Variants in PLXDC2 observed in about 807,000 individuals in gnomAD.
The protein encoded by PLXDC2 is plexin domain-containing protein 2.
In PLXDC2, 40 loss-of-function variants were observed where a neutral mutation model predicts 68.9. The ratio of observed to expected loss-of-function variants is 0.58; its 90% CI spans 0.45 to 0.76. PLXDC2 has a LOEUF of 0.76. Ranked by LOEUF, PLXDC2 falls within the 30% of genes least tolerant of loss-of-function variation. The pLI is 0.00. For synonymous variants in PLXDC2, 243 were observed against 234.2 expected (o/e 1.04, Z -0.34); for missense variants, 644 against 661.9 (o/e 0.97, Z 0.30).
chr10:20,217,150 G>A (rs759524694), intron 10 of PLXDC2, among the ~76,000 whole-genome samples: 5 of 152,074 alleles, frequency 3.3e-5, no homozygotes, highest in Non-Finnish European at 7.4e-5. Context: ...AAAATTTAGG[G>A]CAAGGTAAAC....
At chr10:19,880,171 G>A (rs1301139722) in intron 1 of PLXDC2, among the ~76,000 whole-genome samples, 1 of 152,158 alleles carries the variant, frequency 6.6e-6, no homozygotes, top group Non-Finnish European at 1.5e-5. Flanking sequence ...TTACATGGCA[G>A]AGTTGAATAG....
intron 9 of PLXDC2, among the ~76,000 whole-genome samples, chr10:20,193,080 G>A (rs1430330713): frequency 6.6e-6 from 1 of 151,948 alleles, no homozygotes; most frequent in Non-Finnish European, 1.5e-5. Flanking sequence ...TGGTATTCCT[G>A]GACATCCTCC....
chr10:19,845,776 C>T (rs1274742666), intron 1 of PLXDC2, among the ~76,000 whole-genome samples: 1 of 152,098 alleles, frequency 6.6e-6, no homozygotes, highest in African/African-American at 2.4e-5. Context: ...GGAGGCAGTT[C>T]ATGCAGAAAT....
intron 4 of PLXDC2, among the ~76,000 whole-genome samples, chr10:20,136,084 G>A (rs1383917153): frequency 6.6e-6 from 1 of 152,110 alleles, no homozygotes; most frequent in Non-Finnish European, 1.5e-5. Flanking sequence ...AGGAACCAGA[G>A]ATTAGTAAAC....
chr10:20,082,225 G>A (rs988591769), intron 4 of PLXDC2, among the ~76,000 whole-genome samples: 9 of 151,548 alleles, frequency 5.9e-5, no homozygotes, highest in African/African-American at 2.2e-4. Flanking sequence ...TAATAATTCA[G>A]CTAATTATAT....
At chr10:19,890,654 C>T (rs539898751) in intron 1 of PLXDC2, among the ~76,000 whole-genome samples, 1 of 123,778 alleles carries the variant, frequency 8.1e-6, no homozygotes, top group South Asian at 3.0e-4. Flanking sequence ...GGATTACAGG[C>T]GTGAGCCACC....
chr10:19,881,125 CT>C (rs1038183829), intron 1 of PLXDC2, among the ~76,000 whole-genome samples: 1 of 150,642 alleles, frequency 6.6e-6, no homozygotes, highest in African/African-American at 2.4e-5. Flanking sequence ...ATTTTTTTTT[CT>C]TTTTTTTGAG....
At chr10:20,050,798 A>C (rs1835885348) in intron 3 of PLXDC2, among the ~76,000 whole-genome samples, 1 of 152,154 alleles carries the variant, frequency 6.6e-6, no homozygotes, top group Non-Finnish European at 1.5e-5. Context: ...GGTGTAAATT[A>C]GTTCAACCAT....
intron 1 of PLXDC2, among the ~76,000 whole-genome samples, chr10:19,970,016 G>A (rs1834324904): frequency 6.6e-6 from 1 of 152,164 alleles, no homozygotes; most frequent in Non-Finnish European, 1.5e-5. Context: ...TCTAAATGAA[G>A]AAGCAATAGA....
At chr10:19,869,471 G>GC (rs1444140666) in intron 1 of PLXDC2, among the ~76,000 whole-genome samples, 17 of 78,822 alleles carry the variant, frequency 2.2e-4, no homozygotes, top group Non-Finnish European at 5.0e-4. Context: ...GAGAGAAAGG[G>GC]GGGGGGGGGA....
rs367661543 is a variant in PLXDC2 at position 19,952,241 on chromosome 10, C to G, written c.113-49534C>G. Among the ~76,000 whole-genome samples, 7 of 152,230 alleles carry G rather than the reference C, an allele frequency of 4.6e-5. No individual in the cohort carries two copies. The East Asian group carries it at 1.2e-3, about 25-fold the overall frequency. ...CCCTTCTCCCTTTCTTCCTTCCTCC[C>G]TTGAGTATCCAAGAGATATCTCTCC... is the stretch of plus-strand genomic sequence containing the variant. On this transcript the variant is annotated intron_variant, in intron 1 of 13. Transcript: ENST00000377252.
At position 20,246,508 on chromosome 10, in the gene PLXDC2, C is replaced by T. The variant is rs142345550; in HGVS notation, c.1473+1003C>T. On this transcript the variant is annotated intron_variant, in intron 13 of 13. Coordinates refer to ENST00000377252, the MANE Select transcript of PLXDC2 (RefSeq NM_032812.9). ...TGGACTAGAGGCAAACACTACCACA[C>T]CCAGCTAATTTTTGTATTTTTAGTA... Among the ~76,000 whole-genome samples the T allele has an allele frequency of 3.2e-3, 482 of 152,318 alleles. 5 individuals are homozygous for T. Among genetic ancestry groups the T allele is most frequent in the African/African-American group, 0.011 (442 of 41,574 alleles).
chr10:19,941,859 T>G lies in PLXDC2; in HGVS notation c.113-59916T>G, dbSNP rs373847530. ...GGATTGTTTCACATAGCTCTTCTCA[T>G]TTTATCTCAGCGAGCTATTCAGTAT... On this transcript the variant is annotated intron_variant, in intron 1 of 13. Coordinates refer to ENST00000377252, the MANE Select transcript of PLXDC2 (RefSeq NM_032812.9). Among the ~76,000 whole-genome samples the G allele has an allele frequency of 6.6e-4, 100 of 152,308 alleles. 1 individual carries two copies. The highest frequency in any genetic ancestry group is 2.3e-3 in the African/African-American group (95 of 41,568).
intron 1 of PLXDC2, among the ~76,000 whole-genome samples, chr10:19,831,854 T>G (rs1836699169): frequency 6.6e-6 from 1 of 152,202 alleles, no homozygotes; most frequent in African/African-American, 2.4e-5. Flanking sequence ...TGATTCCACA[T>G]CTTTGCTATT....
chr10:19,850,525 A>T (rs1044816617), intron 1 of PLXDC2, among the ~76,000 whole-genome samples: 1 of 152,156 alleles, frequency 6.6e-6, no homozygotes, highest in African/African-American at 2.4e-5. Flanking sequence ...TGCTAAAAAG[A>T]TTAGTATCTC....
chr10:20,162,648 A>T (rs1834320525), intron 6 of PLXDC2, among the ~76,000 whole-genome samples: 1 of 152,152 alleles, frequency 6.6e-6, no homozygotes, highest in Non-Finnish European at 1.5e-5. Context: ...GTCTGTCTTA[A>T]ATACAAATTA....
intron 1 of PLXDC2, among the ~76,000 whole-genome samples, chr10:19,891,309 G>A (rs1837958197): frequency 6.6e-6 from 1 of 152,090 alleles, no homozygotes; most frequent in South Asian, 2.1e-4. Context: ...ACGATTTCTT[G>A]GCTTTCCATT....
chr10:19,916,204 T>C (rs918518825), intron 1 of PLXDC2, among the ~76,000 whole-genome samples: 11 of 149,964 alleles, frequency 7.3e-5, no homozygotes, highest in South Asian at 2.1e-4. Flanking sequence ...TCATGGCTCA[T>C]GACAGGATCA....
chr10:19,992,617 G>C (rs1438275264), intron 1 of PLXDC2, among the ~76,000 whole-genome samples: 1 of 152,012 alleles, frequency 6.6e-6, no homozygotes, highest in Non-Finnish European at 1.5e-5. Context: ...ATTCCTACTA[G>C]ACAGTTAGTA....
Sources: allele counts gnomAD v4.1 joint callset (sites outside exome capture counted in the v4.1 genomes callset), GRCh38; gene constraint gnomAD v4.1.1; transcripts MANE v1.5; gene names NCBI Gene and HGNC (gene_info 2026-07-23, HGNC 2026-07-21).